LURAP1L: variants seen among roughly 807,000 people sequenced by gnomAD.
The protein encoded by LURAP1L is leucine rich adaptor protein 1 like, also known as leucine rich adaptor protein 1-like.
Under a neutral mutation model 13.8 loss-of-function variants are expected in LURAP1L, and 12 were observed. The ratio of observed to expected loss-of-function variants is 0.87; its 90% CI spans 0.56 to 1.41. LURAP1L has a LOEUF of 1.41. Ranked by LOEUF, LURAP1L falls within the 40% of genes most tolerant of loss-of-function variation. The pLI, the probability that LURAP1L is intolerant of heterozygous loss-of-function variation, is 0.00. For missense variants in LURAP1L, 375 were observed against 292.9 expected (o/e 1.28, Z -2.04); for synonymous variants, 139 against 119.2 (o/e 1.17, Z -1.08).
rs564741828 is a variant in LURAP1L, at chr9:12,778,870, A to G, written c.312+2843A>G. Among the ~76,000 whole-genome samples the G allele has an allele frequency of 6.6e-5, 10 of 152,342 alleles. No individual in the cohort carries two copies. The East Asian group carries it at 1.3e-3, about 21-fold the overall frequency. The stretch of plus-strand genomic sequence containing the variant: ...GGAACTTAAACCAATACAGTAGCCC[A>G]CCTTATCCATGGGAGATATGTTCCA... On this transcript the variant is annotated intron_variant, in intron 1 of 1. Coordinates refer to ENST00000319264, the MANE Select transcript of LURAP1L (RefSeq NM_203403.2).
chr9:12,787,888 G>A (rs1050587151), intron 1 of LURAP1L, among the ~76,000 whole-genome samples: 1 of 152,058 alleles, frequency 6.6e-6, no homozygotes, highest in Non-Finnish European at 1.5e-5. Context: ...GAGGCAGGTA[G>A]ATCACTAGAA....
chr9:12,791,786 G>A (rs1376165476), intron 1 of LURAP1L, among the ~76,000 whole-genome samples: 1 of 151,826 alleles, frequency 6.6e-6, no homozygotes, highest in Non-Finnish European at 1.5e-5. Context: ...AAATAATTCA[G>A]TGATCATTCC....
chr9:12,781,739 G>C (rs1336407989), intron 1 of LURAP1L, among the ~76,000 whole-genome samples: 1 of 152,138 alleles, frequency 6.6e-6, no homozygotes, highest in Non-Finnish European at 1.5e-5. Context: ...ATATCTATTT[G>C]ATATATTGAT....
intron 1 of LURAP1L, among the ~76,000 whole-genome samples, chr9:12,799,805 C>T (rs1017404811): frequency 1.4e-3 from 198 of 143,194 alleles, no homozygotes; most frequent in African/African-American, 5.1e-3. Flanking sequence ...ACCTGGGAGG[C>T]GGAGCTTGCA....
chr9:12,803,955 T>A (rs1276951471), intron 1 of LURAP1L, among the ~76,000 whole-genome samples: 7 of 152,238 alleles, frequency 4.6e-5, no homozygotes, highest in Admixed American at 4.6e-4. Context: ...ATATGCTGAA[T>A]TGCATACCAT....
rs1229858272 is a variant in LURAP1L, at chr9:12,822,059, A to G, written c.*299A>G. The G allele has an allele frequency of 7.4e-6, 2 of 269,856 alleles. No individual in the cohort carries two copies. Among genetic ancestry groups the G allele is most frequent in the African/African-American group, 2.2e-5 (1 of 45,306 alleles). 16.7% of individuals were successfully genotyped at this position (269,856 alleles called of 1,614,324 possible). A position where few individuals can be genotyped will look rare whatever the true frequency, so the allele number is the denominator to read the frequency against. The stretch of plus-strand genomic sequence containing the variant: ...TAATTATGTTTTTGCTTTTGTTTTC[A>G]GAGCAATGGGTCAGGGATTACAAGA... On this transcript the variant is annotated 3_prime_UTR_variant, in exon 2 of 2. Coordinates refer to ENST00000319264, the MANE Select transcript of LURAP1L (RefSeq NM_203403.2).
Position 12,775,988 on chromosome 9 carries a change from G to A in LURAP1L, c.273G>A (p.Glu91=). The part of the protein sequence containing the change: ...SPRGSHSSAL[E]RLETKLHLLR... ...GAGGTAGCCACTCTAGCGCCCTGGAGAGGCTAGAAACCAAGCTTCACCTCC... is the reference window on the plus strand; with the variant it reads ...GAGGTAGCCACTCTAGCGCCCTGGAAAGGCTAGAAACCAAGCTTCACCTCC... The change falls in exon 1 of 2, where the codon GAG becomes GAA. Residue 91 remains glutamate, a synonymous_variant. Transcript: ENST00000319264. 1 of 1,609,854 alleles carries A rather than the reference G, an allele frequency of 6.2e-7. No individual in the cohort carries two copies. Among genetic ancestry groups the A allele is most frequent in the Non-Finnish European group, 8.5e-7 (1 of 1,178,402 alleles).
At chr9:12,788,899 A>ATC (rs1428576043) in intron 1 of LURAP1L, among the ~76,000 whole-genome samples, 7 of 150,314 alleles carry the variant, frequency 4.7e-5, no homozygotes, top group Non-Finnish European at 7.4e-5. Flanking sequence ...CTATATCTAT[A>ATC]TATATATATA....
At chr9:12,776,379 C>T (rs547170079) in intron 1 of LURAP1L, among the ~76,000 whole-genome samples, 12 of 152,294 alleles carry the variant, frequency 7.9e-5, no homozygotes, top group Non-Finnish European at 1.3e-4. Flanking sequence ...TTGCACCCAT[C>T]TAAGGCCTGC....
Position 12,821,727 on chromosome 9 carries a change from T to A in LURAP1L, c.654T>A (p.Pro218=). The change falls in exon 2 of 2, where the codon CCT becomes CCA. Residue 218 remains proline (P), a synonymous_variant. Coordinates refer to ENST00000319264, the MANE Select transcript of LURAP1L (RefSeq NM_203403.2). ...ACTCACAGGCACTACACAAGCGTCCTAAATTGGATTCTGAATACTACTGCT... is the reference window on the plus strand; with the variant it reads ...ACTCACAGGCACTACACAAGCGTCCAAAATTGGATTCTGAATACTACTGCT... The part of the protein sequence containing the change: ...IEDSQALHKR[P]KLDSEYYCFG The A allele has an allele frequency of 6.2e-7, 1 of 1,614,024 alleles. No individual in the cohort carries two copies. Among genetic ancestry groups the A allele is most frequent in the Non-Finnish European group, 8.5e-7 (1 of 1,179,886 alleles).
intron 1 of LURAP1L, among the ~76,000 whole-genome samples, chr9:12,794,883 T>C (rs1819492134): frequency 6.6e-6 from 1 of 151,832 alleles, no homozygotes; most frequent in Non-Finnish European, 1.5e-5. Flanking sequence ...CCCAAAGTAA[T>C]ACAGATGATG....
rs772707362 is a variant in LURAP1L at position 12,775,740 on chromosome 9, C to T, written c.25C>T (p.Leu9Phe). ...CATGGAAGACAGCCCGCTGCCAGAC[C>T]TCAGAGACATCGAGCTGAAGCTGGG... Reference protein sequence around the residue: MEDSPLPDLRDIELKLGRK... With the variant: MEDSPLPDFRDIELKLGRK... Residue 9 changes from leucine to phenylalanine, a missense_variant, in exon 1 of 2, where the codon CTC (leucine) becomes TTC (phenylalanine). Leu to Phe is a conservative substitution (Grantham distance 22). Coordinates refer to ENST00000319264, the MANE Select transcript of LURAP1L (RefSeq NM_203403.2). The T allele has an allele frequency of 2.5e-6, 4 of 1,601,780 alleles. No homozygotes were observed. The highest frequency in any genetic ancestry group is 2.6e-6 in the Non-Finnish European group (3 of 1,176,098).
intron 1 of LURAP1L, among the ~76,000 whole-genome samples, chr9:12,793,040 A>G (rs1249704600): frequency 6.6e-6 from 1 of 152,062 alleles, no homozygotes; most frequent in African/African-American, 2.4e-5. Flanking sequence ...CTAGAACATA[A>G]GAAGGACGAT....
At chr9:12,788,041 G>A (rs1020027290) in intron 1 of LURAP1L, among the ~76,000 whole-genome samples, 8 of 151,852 alleles carry the variant, frequency 5.3e-5, no homozygotes, top group African/African-American at 1.2e-4. Flanking sequence ...GAACCCAGGA[G>A]GCAGAGGTTG....
At chr9:12,797,127 C>T (rs1200231308) in intron 1 of LURAP1L, among the ~76,000 whole-genome samples, 1 of 151,958 alleles carries the variant, frequency 6.6e-6, no homozygotes, top group African/African-American at 2.4e-5. Flanking sequence ...ACATTATCAA[C>T]AACCAAAACC....
At position 12,788,183 on chromosome 9, in the gene LURAP1L, G is replaced by T. The variant is rs1015085233; in HGVS notation, c.312+12156G>T. On this transcript the variant is annotated intron_variant, in intron 1 of 1. Transcript: ENST00000319264. ...AGAAAGAAAGAAAGAAAGAAAGAAAGAAAGAAAGAAAAGAAAAGAAAAGAA... is the reference window on the plus strand; with the variant it reads ...AGAAAGAAAGAAAGAAAGAAAGAAATAAAGAAAGAAAAGAAAAGAAAAGAA... 2.0e-5 allele frequency among the ~76,000 whole-genome samples: 3 copies of T among 146,946 alleles called. 1 individual carries two copies. Among genetic ancestry groups the T allele is most frequent in the African/African-American group, 7.7e-5 (3 of 39,104 alleles).
intron 1 of LURAP1L, among the ~76,000 whole-genome samples, chr9:12,784,672 G>A (rs911185804): frequency 5.3e-5 from 8 of 152,262 alleles, no homozygotes; most frequent in African/African-American, 1.4e-4. Context: ...GTCACCCGAG[G>A]CCTGTGGCAA....
chr9:12,798,112 TAATTTAGTATAA>T (rs1438543205), intron 1 of LURAP1L, among the ~76,000 whole-genome samples: 20 of 152,210 alleles, frequency 1.3e-4, no homozygotes, highest in African/African-American at 4.3e-4. Context: ...AAAGCATGTA[TAATTTAGTATAA>T]AATTGTAAAT....
intron 1 of LURAP1L, among the ~76,000 whole-genome samples, chr9:12,798,035 G>A (rs1001194702): frequency 1.3e-5 from 2 of 152,036 alleles, no homozygotes; most frequent in African/African-American, 4.8e-5. Flanking sequence ...AGATATCTCT[G>A]CAGTGTTTTA....
Sources: gnomAD v4.1 joint callset for allele counts (sites outside exome capture counted in the v4.1 genomes callset) on GRCh38, gnomAD v4.1.1 for gene constraint, MANE v1.5 for transcripts, NCBI Gene and HGNC (gene_info 2026-07-23, HGNC 2026-07-21) for gene names.